Variants in COL15A1 observed in about 807,000 individuals in gnomAD.
COL15A1 encodes the protein collagen alpha-1(XV) chain.
In COL15A1, 111 loss-of-function variants were observed where a neutral mutation model predicts 165.9. The observed-to-expected ratio is 0.67, with a 90% CI of 0.57 to 0.78. The LOEUF (loss-of-function observed/expected upper bound fraction) is 0.78. Among genes scored for constraint, COL15A1 ranks in the 30% least tolerant of loss-of-function variants. COL15A1 has a pLI of 0.00. For synonymous variants in COL15A1, 659 were observed against 674.8 expected (o/e 0.98, Z 0.36); for missense variants, 1,745 against 1,789.7 (o/e 0.98, Z 0.45).
At chr9:98,964,399 A>G (rs1302145262) in intron 2 of COL15A1, among the ~76,000 whole-genome samples, 7 of 152,242 alleles carry the variant, frequency 4.6e-5, no homozygotes, top group Non-Finnish European at 8.8e-5. Context: ...CAGGGTCACC[A>G]TCTGTTCTGG....
Position 98,963,653 on chromosome 9 carries a change from T to A in COL15A1, c.100+19403T>A, listed in dbSNP as rs115366159. On this transcript the variant is annotated intron_variant, in intron 2 of 41. Transcript: ENST00000375001. ...TTAAATCCTGGTTCAACACTTTTTTTAATTATGTGACTTGGGCACATTGCT... is the reference window on the plus strand; with the variant it reads ...TTAAATCCTGGTTCAACACTTTTTTAAATTATGTGACTTGGGCACATTGCT... Among the ~76,000 whole-genome samples the A allele has an allele frequency of 3.4e-3, 516 of 152,342 alleles. 1 individual carries two copies. The highest frequency in any genetic ancestry group is 0.012 in the African/African-American group (497 of 41,578).
intron 2 of COL15A1, among the ~76,000 whole-genome samples, chr9:98,960,236 C>T (rs1182305426): frequency 6.6e-6 from 1 of 151,806 alleles, no homozygotes; most frequent in Non-Finnish European, 1.5e-5. Flanking sequence ...AGTGAGACAA[C>T]ATCTCTATAA....
At chr9:98,995,717 T>C (rs1327069960) in intron 5 of COL15A1, among the ~76,000 whole-genome samples, 1 of 152,236 alleles carries the variant, frequency 6.6e-6, no homozygotes, top group Non-Finnish European at 1.5e-5. Context: ...ATAGAATCCA[T>C]GGTGATTGTC....
chr9:98,957,374 T>C (rs1018582834), intron 2 of COL15A1, among the ~76,000 whole-genome samples: 2 of 152,222 alleles, frequency 1.3e-5, no homozygotes, highest in Admixed American at 1.3e-4. Context: ...TTAATTTTTA[T>C]CTCAGTAAGA....
intron 6 of COL15A1, among the ~76,000 whole-genome samples, chr9:99,000,240 T>C (rs1222410581): frequency 2.0e-5 from 3 of 152,328 alleles, no homozygotes; most frequent in African/African-American, 7.2e-5. Flanking sequence ...TAGTTTCCTC[T>C]TCTTACACTC....
At position 99,003,438 on chromosome 9, in the gene COL15A1, T is replaced by G; in HGVS notation, c.1066-15T>G. The G allele has an allele frequency of 6.8e-7, 1 of 1,475,430 alleles. No individual in the cohort carries two copies. 91.4% of individuals were successfully genotyped at this position (1,475,430 alleles called of 1,614,324 possible). ...AGCCCAGAGACATGGTCTCTTGTGATGCCTTTGTTTTCAGAATTTAGCAGC... is the reference window on the plus strand; with the variant it reads ...AGCCCAGAGACATGGTCTCTTGTGAGGCCTTTGTTTTCAGAATTTAGCAGC... On this transcript the variant is annotated splice_polypyrimidine_tract_variant and intron_variant, in intron 7 of 41. Transcript: ENST00000375001.
chr9:98,958,840 G>T (rs1023745598), intron 2 of COL15A1, among the ~76,000 whole-genome samples: 2 of 152,036 alleles, frequency 1.3e-5, no homozygotes, highest in Admixed American at 6.6e-5. Flanking sequence ...CCATTCTCTG[G>T]ACTTAGAAAC....
intron 38 of COL15A1, among the ~76,000 whole-genome samples, chr9:99,062,534 A>G (rs1564095522): frequency 6.6e-6 from 1 of 152,214 alleles, no homozygotes; most frequent in African/African-American, 2.4e-5. Context: ...TAGTAGCCAA[A>G]TCTTCTTGGG....
At chr9:98,979,916 G>C (rs1309355816) in intron 2 of COL15A1, among the ~76,000 whole-genome samples, 5 of 152,082 alleles carry the variant, frequency 3.3e-5, no homozygotes, top group Non-Finnish European at 7.4e-5. Context: ...CCAGCATTTT[G>C]GGAGGCCGAG....
chr9:99,020,663 T>A (rs1361291545), intron 12 of COL15A1, among the ~76,000 whole-genome samples: 1 of 152,198 alleles, frequency 6.6e-6, no homozygotes, highest in Non-Finnish European at 1.5e-5. Flanking sequence ...CGTGGCCAAG[T>A]CCCTTGACCT....
chr9:99,025,604 A>G (rs1295014453), intron 15 of COL15A1, among the ~76,000 whole-genome samples: 2 of 152,218 alleles, frequency 1.3e-5, no homozygotes, highest in Non-Finnish European at 2.9e-5. Context: ...TTGGAATCAT[A>G]GGCCATCAGG....
At chr9:98,966,415 T>C (rs1837958034) in intron 2 of COL15A1, among the ~76,000 whole-genome samples, 1 of 152,234 alleles carries the variant, frequency 6.6e-6, no homozygotes, top group South Asian at 2.1e-4. Context: ...TCCTGGGATC[T>C]CCAGGGCTGG....
chr9:99,036,504 G>A (rs1839304990), intron 21 of COL15A1, 108 bp downstream of exon 21: 2 of 1,133,072 alleles, frequency 1.8e-6, no homozygotes, highest in Admixed American at 2.2e-5. Context: ...GAGGCATGTA[G>A]CCAGTGCCTG....
intron 5 of COL15A1, among the ~76,000 whole-genome samples, chr9:98,991,029 C>T (rs978269501): frequency 6.6e-5 from 10 of 152,018 alleles, no homozygotes; most frequent in Admixed American, 2.6e-4. Context: ...TAGGGCAGTG[C>T]CTCTGGAGTT....
chr9:99,024,823 A>G, intron 14 of COL15A1, 51 bp from the exon 15 acceptor site: 1 of 1,581,584 alleles, frequency 6.3e-7, no homozygotes, highest in Non-Finnish European at 8.6e-7. Flanking sequence ...CATACTCAGT[A>G]TCTCATTCGG....
chr9:99,069,996 TAC>T lies in COL15A1; in HGVS notation c.*112_*113del. Reference sequence around the variant, plus strand: ...AAATATTACAGTTTTTTTTTTTTACTACATATTCTTTACAACAGCAACCAAAG... The same window carrying T: ...AAATATTACAGTTTTTTTTTTTTACTATATTCTTTACAACAGCAACCAAAG... On this transcript the variant is annotated 3_prime_UTR_variant, in exon 42 of 42. Transcript: ENST00000375001. The T allele has an allele frequency of 5.6e-6, 4 of 719,328 alleles. No homozygotes were observed. Among genetic ancestry groups the T allele is most frequent in the South Asian group, 2.0e-5 (1 of 51,258 alleles). 44.6% of individuals were successfully genotyped at this position (719,328 alleles called of 1,614,324 possible).
chr9:98,989,915 G>T (rs561494338), intron 5 of COL15A1, among the ~76,000 whole-genome samples: 340 of 152,340 alleles, frequency 2.2e-3, no homozygotes, highest in African/African-American at 7.6e-3. Flanking sequence ...GAGTCAGACT[G>T]TGGGGACACC....
Position 99,040,508 on chromosome 9 carries a change from T to C in COL15A1, c.2476-13T>C, listed in dbSNP as rs1278712684. 1.9e-6 allele frequency: 3 copies of C among 1,614,056 alleles called. No homozygotes were observed. The highest frequency in any genetic ancestry group is 2.5e-6 in the Non-Finnish European group (3 of 1,180,046). Reference sequence around the variant, plus strand: ...CTCCTAATCCAGCGTGCTCTATCTTTGGTGTGTCACAGGGGCCGGACGGGT... The same window carrying C: ...CTCCTAATCCAGCGTGCTCTATCTTCGGTGTGTCACAGGGGCCGGACGGGT... On this transcript the variant is annotated splice_polypyrimidine_tract_variant and intron_variant, in intron 22 of 41. Transcript: ENST00000375001.
chr9:99,010,957 T>C (rs561320356), intron 9 of COL15A1, among the ~76,000 whole-genome samples: 12 of 151,900 alleles, frequency 7.9e-5, no homozygotes, highest in African/African-American at 2.9e-4. Flanking sequence ...TGGAAGAAAA[T>C]ACTCCTTTTA....
Sources: allele counts gnomAD v4.1 joint callset (sites outside exome capture counted in the v4.1 genomes callset), GRCh38; gene constraint gnomAD v4.1.1; transcripts MANE v1.5; gene names NCBI Gene and HGNC (gene_info 2026-07-23, HGNC 2026-07-21).